The following CHAT variants were observed in gnomAD, a reference collection of about 807,000 sequenced individuals.
The protein encoded by CHAT is acetyl CoA:choline O-acetyltransferase.
CHAT carries 61 observed loss-of-function variants against 76.9 expected under a neutral mutation model. That is an observed-to-expected ratio of 0.79 (90% CI 0.65 to 0.98). CHAT has a LOEUF of 0.98. CHAT is among the 50% of genes least tolerant of loss of function. The pLI is 0.00. For synonymous variants in CHAT, 407 were observed against 397.4 expected, an observed-to-expected ratio of 1.02 and a Z score of -0.29; for missense variants, 946 against 986.9, an observed-to-expected ratio of 0.96 and a Z score of 0.56.
chr10:49,619,746 C>A lies in CHAT; in HGVS notation c.409C>A (p.Pro137Thr). The change falls in exon 3 of 15, where the codon CCC becomes ACC. Residue 137 changes from proline to threonine, a missense_variant. Physicochemically the swap from Pro to Thr is conservative, Grantham distance 38. Transcript: ENST00000337653. Reference sequence around the variant, plus strand: ...CCAGGGGCTGCCCAAACTGCCCGTGCCCCCGCTGCAGCAGACCCTGGCCAC... The same window carrying A: ...CCAGGGGCTGCCCAAACTGCCCGTGACCCCGCTGCAGCAGACCCTGGCCAC... ...EESGLPKLPV[P>T]PLQQTLATYL... The A allele has an allele frequency of 6.2e-7, 1 of 1,612,712 alleles. No homozygotes were observed. Among genetic ancestry groups the A allele is most frequent in the Non-Finnish European group, 8.5e-7 (1 of 1,179,966 alleles).
intron 10 of CHAT, among the ~76,000 whole-genome samples, chr10:49,650,530 T>C (rs991354171): frequency 7.9e-5 from 12 of 152,134 alleles, no homozygotes; most frequent in African/African-American, 2.9e-4. Context: ...TTCTTCAAGC[T>C]TGTACAAGTT....
chr10:49,649,493 C>T lies in CHAT; in HGVS notation c.1383-15C>T. 1 of 1,613,758 alleles carries T rather than the reference C, an allele frequency of 6.2e-7. No homozygotes were observed. The highest frequency in any genetic ancestry group is 1.1e-5 in the South Asian group (1 of 91,090). The stretch of plus-strand genomic sequence containing the variant: ...CTGGCCGCAGAGCCTCAGGAGGTTG[C>T]CTCTGTGCCCGCAGGACGCAGAGCA... On this transcript the variant is annotated splice_polypyrimidine_tract_variant and intron_variant, in intron 9 of 14. Coordinates refer to ENST00000337653, the MANE Select transcript of CHAT (RefSeq NM_020549.5).
Position 49,665,555 on chromosome 10 carries a change from T to C in CHAT, c.*509T>C, listed in dbSNP as rs905426723. Among the ~76,000 whole-genome samples, 29 of 152,204 alleles carry C rather than the reference T, an allele frequency of 1.9e-4. No homozygotes were observed. The highest frequency in any genetic ancestry group is 6.7e-4 in the African/African-American group (28 of 41,546). ...GATTCAGAGCATTCTTATCGTGGCA[T>C]TCCCAGTGTCTCCACTGAGCCGTAC... On this transcript the variant is annotated 3_prime_UTR_variant, in exon 15 of 15. Transcript: ENST00000337653.
intron 13 of CHAT, among the ~76,000 whole-genome samples, chr10:49,659,566 A>G (rs919328663): frequency 7.2e-5 from 11 of 152,244 alleles, no homozygotes; most frequent in Non-Finnish European, 1.5e-4. Context: ...AATCAGTTAG[A>G]AACAGATACA....
chr10:49,667,444 C>G lies in CHAT; in HGVS notation c.*2398C>G, dbSNP rs1329955482. Among the ~76,000 whole-genome samples, 1 of 152,218 alleles carries G rather than the reference C, an allele frequency of 6.6e-6. No homozygotes were observed. Among genetic ancestry groups the G allele is most frequent in the African/African-American group, 2.4e-5 (1 of 41,448 alleles). Reference sequence around the variant, plus strand: ...GTACATTCAGATATCAAACTATGCACTGTGAGGGCTATGAGAAGCGCAAAC... The same window carrying G: ...GTACATTCAGATATCAAACTATGCAGTGTGAGGGCTATGAGAAGCGCAAAC... On this transcript the variant is annotated 3_prime_UTR_variant, in exon 15 of 15. Coordinates refer to ENST00000337653, the MANE Select transcript of CHAT (RefSeq NM_020549.5).
chr10:49,651,079 C>T (rs1839860188), intron 10 of CHAT, among the ~76,000 whole-genome samples: 1 of 151,840 alleles, frequency 6.6e-6, no homozygotes, highest in Non-Finnish European at 1.5e-5. Flanking sequence ...TCCTGGGGGT[C>T]CTGAGGGGCC....
chr10:49,613,629 G>A (rs1011614222), upstream of CHAT, among the ~76,000 whole-genome samples: 4 of 152,268 alleles, frequency 2.6e-5, no homozygotes, highest in Non-Finnish European at 5.9e-5. Context: ...CCTGGGCGGA[G>A]TCTGCCTTTG....
chr10:49,624,242 C>T (rs977576883), intron 5 of CHAT, among the ~76,000 whole-genome samples: 1 of 152,144 alleles, frequency 6.6e-6, no homozygotes, highest in Non-Finnish European at 1.5e-5. Flanking sequence ...TTGTGAAAAA[C>T]AACAAAAAAT....
intron 13 of CHAT, among the ~76,000 whole-genome samples, chr10:49,660,013 T>TG (rs1840144197): frequency 6.6e-6 from 1 of 152,246 alleles, no homozygotes; most frequent in Non-Finnish European, 1.5e-5. Context: ...TGTGAATACT[T>TG]GCTTAATTAT....
intron 11 of CHAT, among the ~76,000 whole-genome samples, chr10:49,654,842 C>T (rs1839982304): frequency 6.6e-6 from 1 of 152,170 alleles, no homozygotes; most frequent in African/African-American, 2.4e-5. Context: ...TGAAGCGCTA[C>T]CCGTCACTTC....
rs557800140 is a variant in CHAT, at chr10:49,637,951, A to G, written c.1112-8554A>G. Among the ~76,000 whole-genome samples, 19 of 152,292 alleles carry G rather than the reference A, an allele frequency of 1.2e-4. No homozygotes were observed. The South Asian group carries it at 3.7e-3, about 30-fold the overall frequency. ...TTGGCATATGTTCGATGGGTATTTG[A>G]AGAGAATGATTGATGATATTGTTGA... On this transcript the variant is annotated intron_variant, in intron 7 of 14. Coordinates refer to ENST00000337653, the MANE Select transcript of CHAT (RefSeq NM_020549.5).
chr10:49,611,133 G>A (rs757816248), upstream of CHAT: 4 of 1,614,030 alleles, frequency 2.5e-6, no homozygotes, highest in African/African-American at 4.0e-5. Context: ...TTGCTTCCAA[G>A]GCTATCCTGC....
In CHAT at chr10:49,646,713, C is replaced by T. The variant is rs1350528059; in HGVS notation, c.1281+39C>T. On this transcript the variant is annotated intron_variant, in intron 8 of 14. Coordinates refer to ENST00000337653, the MANE Select transcript of CHAT (RefSeq NM_020549.5). ...GTGGCCCTGCAAGAGCACAGCCATG[C>T]CCCCAGCGAGAGAGTGAGTAGGCAA... The T allele has an allele frequency of 2.5e-6, 4 of 1,606,180 alleles. No homozygotes were observed. The Admixed American group carries it at 5.0e-5, about 20-fold the overall frequency.
At chr10:49,658,305 T>C (rs1479291523) in intron 13 of CHAT, among the ~76,000 whole-genome samples, 1 of 151,790 alleles carries the variant, frequency 6.6e-6, no homozygotes, top group Non-Finnish European at 1.5e-5. Context: ...CACCTGAGGT[T>C]GGGAGTTCAA....
chr10:49,647,839 G>A (rs1202770078), intron 8 of CHAT: 3 of 152,806 alleles, frequency 2.0e-5, no homozygotes, highest in Non-Finnish European at 4.3e-5. Flanking sequence ...AAGTACTAAT[G>A]TGGGGGGTGG....
intron 7 of CHAT, chr10:49,637,734 C>T (rs531517872): frequency 1.3e-5 from 2 of 152,348 alleles, no homozygotes; most frequent in Non-Finnish European, 2.9e-5. Flanking sequence ...CAGACTAATA[C>T]AGACTCCCTC....
At chr10:49,645,956 T>C (rs1839647162) in intron 7 of CHAT, among the ~76,000 whole-genome samples, 1 of 152,188 alleles carries the variant, frequency 6.6e-6, no homozygotes, top group African/African-American at 2.4e-5. Context: ...AACCAACAGC[T>C]TGGGGGCAGG....
intron 7 of CHAT, among the ~76,000 whole-genome samples, chr10:49,636,850 A>C (rs1014258978): frequency 2.0e-5 from 3 of 152,210 alleles, no homozygotes; most frequent in Non-Finnish European, 4.4e-5. Flanking sequence ...GGGCTATTCA[A>C]ATAATCATAA....
intron 11 of CHAT, among the ~76,000 whole-genome samples, chr10:49,653,779 G>T (rs1390213666): frequency 6.6e-6 from 1 of 152,242 alleles, no homozygotes; most frequent in Admixed American, 6.5e-5. Context: ...AGGCCGTGAG[G>T]TCAGCATCCT....
Sources: allele counts gnomAD v4.1 joint callset (sites outside exome capture counted in the v4.1 genomes callset), GRCh38; gene constraint gnomAD v4.1.1; transcripts MANE v1.5; gene names NCBI Gene and HGNC (gene_info 2026-07-23, HGNC 2026-07-21).